Variants in HERC1 observed in about 807,000 individuals in gnomAD.
HERC1 encodes HECT and RLD domain containing E3 ubiquitin protein ligase family member 1, also known as probable E3 ubiquitin-protein ligase HERC1.
In HERC1, 160 loss-of-function variants were observed where a neutral mutation model predicts 554.3. The ratio of observed to expected loss-of-function variants is 0.29; its 90% confidence interval spans 0.25 to 0.33. The LOEUF is 0.33. Among genes scored for constraint, HERC1 ranks in the 10% least tolerant of loss-of-function variants. HERC1 has a pLI of 1.00. For missense variants in HERC1, 4,919 were observed against 5,918.5 expected (o/e 0.83, Z 5.54); for synonymous variants, 2,175 against 2,131.7 (o/e 1.02, Z -0.56).
At chr15:63,644,031 T>C (rs910597425) in intron 57 of HERC1, among the ~76,000 whole-genome samples, 1 of 152,224 alleles carries the variant, frequency 6.6e-6, no homozygotes, top group South Asian at 2.1e-4. Context: ...AGGTAAGGCC[T>C]GTCTATAGGG....
chr15:63,785,445 C>A (rs1253054662), intron 1 of HERC1, among the ~76,000 whole-genome samples: 1 of 151,912 alleles, frequency 6.6e-6, no homozygotes. Context: ...ATTAATAATT[C>A]AATTCAAAAT....
At chr15:63,715,725 C>T (rs1395918851) in intron 22 of HERC1, among the ~76,000 whole-genome samples, 2 of 152,148 alleles carry the variant, frequency 1.3e-5, no homozygotes, top group African/African-American at 4.8e-5. Flanking sequence ...AAACTTGATA[C>T]TTCTCTTTAA....
chr15:63,817,870 A>C (rs1234851246), intron 1 of HERC1, among the ~76,000 whole-genome samples: 5 of 152,034 alleles, frequency 3.3e-5, no homozygotes, highest in African/African-American at 1.2e-4. Context: ...TTATGTTAAT[A>C]TATATTTAAA....
rs2073891618 is a variant in HERC1, at chr15:63,723,122, T to C, written c.3742+60A>G. On this transcript the variant is annotated intron_variant, in intron 19 of 77. Coordinates refer to ENST00000443617, the MANE Select transcript of HERC1 (RefSeq NM_003922.4). ...AATTTTCACTTACATATATTGCATATATATTTGCGAGCATTATGAGCTAAC... is the reference window on the plus strand; with the variant it reads ...AATTTTCACTTACATATATTGCATACATATTTGCGAGCATTATGAGCTAAC... The C allele has an allele frequency of 5.6e-6, 6 of 1,073,292 alleles. 1 individual carries two copies. In the African/African-American group the frequency reaches 6.4e-5, roughly 12 times the overall value. The allele number at this position is 1,073,292 out of a possible 1,614,324, so 66.5% of individuals were successfully genotyped here.
Position 63,718,763 on chromosome 15 carries a change from G to T in HERC1, c.3857+20C>A, listed in dbSNP as rs1323699998. 1.9e-6 allele frequency: 3 copies of T among 1,606,386 alleles called. No individual in the cohort carries two copies. The highest frequency in any genetic ancestry group is 1.1e-5 in the South Asian group (1 of 90,374). On this transcript the variant is annotated intron_variant, in intron 20 of 77. Transcript: ENST00000443617. This position sits in a 1 kb window ranked among gnomAD's most constrained non-coding sequence, Gnocchi z 4.2. ...TCATGAGAGCAAATATTTGTCTGAGGATAGTTTTAAGTTACTTGCCGGCTT... is the reference window on the plus strand; with the variant it reads ...TCATGAGAGCAAATATTTGTCTGAGTATAGTTTTAAGTTACTTGCCGGCTT...
At position 63,765,094 on chromosome 15, in the gene HERC1, G is replaced by A. The variant is rs373450046; in HGVS notation, c.931-903C>T. Among the ~76,000 whole-genome samples, 5 of 152,192 alleles carry A rather than the reference G, an allele frequency of 3.3e-5. No individual in the cohort carries two copies. In the East Asian group the frequency reaches 7.7e-4, roughly 23 times the overall value. On this transcript the variant is annotated intron_variant, in intron 2 of 77. Coordinates refer to ENST00000443617, the MANE Select transcript of HERC1 (RefSeq NM_003922.4). Reference sequence around the variant, plus strand: ...CTTTCCTTTTGTTCCGAAGCAGATAGCTACAGATGAAAGGGTGAATATCCT... The same window carrying A: ...CTTTCCTTTTGTTCCGAAGCAGATAACTACAGATGAAAGGGTGAATATCCT...
At chr15:63,660,252 C>T (rs953830718) in intron 46 of HERC1, among the ~76,000 whole-genome samples, 17 of 151,994 alleles carry the variant, frequency 1.1e-4, no homozygotes, top group African/African-American at 1.7e-4. Context: ...CCTGGGAGGC[C>T]GTGGCTGCAG....
At chr15:63,676,940 G>A (rs953572848) in intron 37 of HERC1, among the ~76,000 whole-genome samples, 17 of 152,116 alleles carry the variant, frequency 1.1e-4, no homozygotes, top group Admixed American at 1.1e-3. Context: ...TACTTATCAA[G>A]GAAGATACTT....
chr15:63,748,560 T>C (rs2075137149), intron 10 of HERC1, among the ~76,000 whole-genome samples: 1 of 152,204 alleles, frequency 6.6e-6, no homozygotes, highest in Non-Finnish European at 1.5e-5. Flanking sequence ...CTGAAATTTC[T>C]TGTTAATACT....
At chr15:63,764,237 A>C in intron 2 of HERC1, 46 bp from the exon 3 acceptor site, 1 of 1,312,740 alleles carries the variant, frequency 7.6e-7, no homozygotes, top group Non-Finnish European at 1.1e-6. Flanking sequence ...GGGGAGAGAC[A>C]TATGCATTAA....
rs901441940 is a variant in HERC1, at chr15:63,789,325, C to T, written c.-26-13676G>A. On this transcript the variant is annotated intron_variant, in intron 1 of 77. Coordinates refer to ENST00000443617, the MANE Select transcript of HERC1 (RefSeq NM_003922.4). Reference sequence around the variant, plus strand: ...CGGGATGGTCTCGATCTCCTGACCTCGTGATCCGCCCGCCTCGGCCTCCCA... The same window carrying T: ...CGGGATGGTCTCGATCTCCTGACCTTGTGATCCGCCCGCCTCGGCCTCCCA... Among the ~76,000 whole-genome samples the T allele has an allele frequency of 4.7e-5, 7 of 150,402 alleles. No individual in the cohort carries two copies. In the East Asian group the frequency reaches 6.0e-4, roughly 13 times the overall value.
intron 34 of HERC1, 95 bp downstream of exon 34, chr15:63,686,264 A>ATTTTTTTTTTT: frequency 1.1e-6 from 1 of 892,362 alleles, no homozygotes; most frequent in Non-Finnish European, 1.7e-6. Context: ...ACATATCACG[A>ATTTTTTTTTTT]TTTTTTTTCA....
rs747129477 is a variant in HERC1, at chr15:63,727,671, G to C, written c.3322C>G (p.Gln1108Glu). The C allele has an allele frequency of 5.0e-6, 8 of 1,612,462 alleles. No homozygotes were observed. In the Admixed American group the frequency reaches 8.4e-5, roughly 17 times the overall value. ...CCATGAAGAGGCCACTGTAACTCCTGGTCTTCTAAAAGATCAGCAGCTGGC... is the reference window on the plus strand; with the variant it reads ...CCATGAAGAGGCCACTGTAACTCCTCGTCTTCTAAAAGATCAGCAGCTGGC... ...LLPAADLLED[Q>E]ELQWPLHGGP... Residue 1108 changes from glutamine to glutamate, a missense_variant, in exon 17 of 78, where the codon CAG becomes GAG. Physicochemically the swap from Gln to Glu is conservative, Grantham distance 29 (BLOSUM62 2). Transcript: ENST00000443617. The surrounding 1 kb of genome is among the most constrained non-coding windows in gnomAD (Gnocchi z 4.3).
rs1337760217 is a variant in HERC1, at chr15:63,639,997, G to T, written c.11901+155C>A. Among the ~76,000 whole-genome samples the T allele has an allele frequency of 2.6e-5, 4 of 152,192 alleles. No individual in the cohort carries two copies. The East Asian group carries it at 7.7e-4, about 29-fold the overall frequency. ...CACTATGGAGGCCTGCCATCAGATT[G>T]AAAGTGACTATCTGAAAGAAAAATA... On this transcript the variant is annotated intron_variant, in intron 61 of 77. Coordinates refer to ENST00000443617, the MANE Select transcript of HERC1 (RefSeq NM_003922.4).
At chr15:63,634,625 G>A (rs2068701724) in intron 66 of HERC1, 108 bp downstream of exon 66, 2 of 752,006 alleles carry the variant, frequency 2.7e-6, no homozygotes, top group Non-Finnish European at 4.1e-6. Flanking sequence ...AAATGTACAT[G>A]AGGTTAGGTA....
Position 63,700,643 on chromosome 15 carries a change from A to T in HERC1, c.4637-1647T>A, listed in dbSNP as rs565211985. 1.2e-4 allele frequency among the ~76,000 whole-genome samples: 18 copies of T among 151,456 alleles called. No individual in the cohort carries two copies. In the South Asian group the frequency reaches 3.7e-3, roughly 32 times the overall value. On this transcript the variant is annotated intron_variant, in intron 25 of 77. Coordinates refer to ENST00000443617, the MANE Select transcript of HERC1 (RefSeq NM_003922.4). ...TTCTGTGTTTTAGAAAGAATTATTAAGATTTAAAAAGGCTTAATTTTCACC... is the reference window on the plus strand; with the variant it reads ...TTCTGTGTTTTAGAAAGAATTATTATGATTTAAAAAGGCTTAATTTTCACC...
At chr15:63,820,498 A>G (rs1243942079) in intron 1 of HERC1, among the ~76,000 whole-genome samples, 3 of 152,218 alleles carry the variant, frequency 2.0e-5, no homozygotes, top group Non-Finnish European at 4.4e-5. Context: ...TTCCAATGCT[A>G]TCAGTTATCA....
rs2072369418 is a variant in HERC1, at chr15:63,695,684, G to A, written c.5121+440C>T. On this transcript the variant is annotated intron_variant, in intron 27 of 77. Coordinates refer to ENST00000443617, the MANE Select transcript of HERC1 (RefSeq NM_003922.4). ...ATTATAGGTGTGAGCCACCACGCCC[G>A]GCCGAGTCTGTATAATCTATTTCCT... Among the ~76,000 whole-genome samples the A allele has an allele frequency of 3.9e-5, 6 of 152,226 alleles. No individual in the cohort carries two copies. In the South Asian group the frequency reaches 1.0e-3, roughly 26 times the overall value.
At chr15:63,645,212 A>C in intron 56 of HERC1, 115 bp from the exon 57 acceptor site, 5 of 806,894 alleles carry the variant, frequency 6.2e-6, no homozygotes, top group Non-Finnish European at 1.0e-5. Flanking sequence ...TTTTAAACTT[A>C]TTTGTAGTAC....
Sources: gnomAD v4.1 joint callset for allele counts (sites outside exome capture counted in the v4.1 genomes callset) on GRCh38, gnomAD v4.1.1 for gene constraint, Gnocchi (gnomAD v3.1) non-coding constraint, MANE v1.5 for transcripts, NCBI Gene and HGNC (gene_info 2026-07-23, HGNC 2026-07-21) for gene names.